The following RAB3GAP1 variants were observed in gnomAD, a reference collection of about 807,000 sequenced individuals.
The protein encoded by RAB3GAP1 is rab3 GTPase-activating protein catalytic subunit.
Under a neutral mutation model 130.7 loss-of-function variants are expected in RAB3GAP1, and 86 were observed. The observed-to-expected ratio is 0.66, with a 90% confidence interval of 0.55 to 0.79. RAB3GAP1 has a LOEUF of 0.79. Among genes scored for constraint, RAB3GAP1 ranks in the 30% least tolerant of loss-of-function variants. The pLI, the probability that RAB3GAP1 is intolerant of heterozygous loss-of-function variation, is 0.00. For synonymous variants in RAB3GAP1, 367 were observed against 401.7 expected, an observed-to-expected ratio of 0.91 and a Z score of 1.03; for missense variants, 1,029 against 1,169.4, an observed-to-expected ratio of 0.88 and a Z score of 1.75.
At chr2:135,128,000 T>G (rs772816040) in intron 11 of RAB3GAP1, among the ~76,000 whole-genome samples, 7 of 152,210 alleles carry the variant, frequency 4.6e-5, no homozygotes, top group Non-Finnish European at 8.8e-5. Flanking sequence ...CCATGCTACC[T>G]TAACTCTCTA....
chr2:135,167,421 G>C (rs1480195202), intron 23 of RAB3GAP1, among the ~76,000 whole-genome samples: 1 of 150,896 alleles, frequency 6.6e-6, no homozygotes, highest in Admixed American at 6.6e-5. Context: ...AAAAGAGCTA[G>C]GTTTTTGTTG....
intron 5 of RAB3GAP1, among the ~76,000 whole-genome samples, chr2:135,110,943 CTTGTT>C (rs1690786384): frequency 6.6e-6 from 1 of 152,008 alleles, no homozygotes; most frequent in Non-Finnish European, 1.5e-5. Flanking sequence ...GGGATGTTCA[CTTGTT>C]TTGTTTTCTT....
rs1287216331 is a variant in RAB3GAP1, at chr2:135,169,162, T to C, written c.*381T>C. ...GTGGTCTGTGCAAACACTTCGTGGT[T>C]CTATATATCAGCAGCAAGTGTGCAA... On this transcript the variant is annotated 3_prime_UTR_variant, in exon 24 of 24. Coordinates refer to ENST00000264158, the MANE Select transcript of RAB3GAP1 (RefSeq NM_012233.3). The C allele has an allele frequency of 3.3e-6, 1 of 303,746 alleles. No individual in the cohort carries two copies. The highest frequency in any genetic ancestry group is 2.1e-5 in the African/African-American group (1 of 46,514). The allele number at this position is 303,746 out of a possible 1,614,324, so 18.8% of individuals were successfully genotyped here. A position where few individuals can be genotyped will look rare whatever the true frequency, so the allele number is the denominator to read the frequency against.
In RAB3GAP1 at chr2:135,132,926, C is replaced by CATT. The variant is rs1691587311; in HGVS notation, c.1270_1272dup (p.Leu424dup). On this transcript the variant is annotated inframe_insertion, in exon 14 of 24. Transcript: ENST00000264158. ...TTCCCTGATGCTGTTTCTGAGAAAC[C>CATT]ATTAGATGGAACTACTTCAACAGAT... 1 of 1,582,970 alleles carries CATT rather than the reference C, an allele frequency of 6.3e-7. No individual in the cohort carries two copies. Among genetic ancestry groups the CATT allele is most frequent in the South Asian group, 1.1e-5 (1 of 90,420 alleles).
At chr2:135,107,659 A>AAT (rs1189844808) in intron 5 of RAB3GAP1, among the ~76,000 whole-genome samples, 1 of 152,174 alleles carries the variant, frequency 6.6e-6, no homozygotes, top group Non-Finnish European at 1.5e-5. Context: ...TTTCTAAGGT[A>AAT]ATATATGTGA....
intron 5 of RAB3GAP1, among the ~76,000 whole-genome samples, chr2:135,101,415 T>C (rs1313281378): frequency 6.6e-6 from 1 of 152,218 alleles, no homozygotes; most frequent in Non-Finnish European, 1.5e-5. Context: ...TGTACTTATT[T>C]ATACCATAAA....
At chr2:135,100,675 T>C (rs1690425105) in intron 5 of RAB3GAP1, among the ~76,000 whole-genome samples, 2 of 152,262 alleles carry the variant, frequency 1.3e-5, no homozygotes, top group East Asian at 1.9e-4. Flanking sequence ...ATTAAATGTA[T>C]GTGTATTTTC....
chr2:135,122,111 A>G (rs185429780), intron 8 of RAB3GAP1, among the ~76,000 whole-genome samples: 30 of 152,280 alleles, frequency 2.0e-4, no homozygotes, highest in African/African-American at 6.7e-4. Context: ...AAGAAAAAAA[A>G]TTAATGTAAT....
intron 7 of RAB3GAP1, among the ~76,000 whole-genome samples, chr2:135,118,012 A>C (rs1290405046): frequency 1.3e-5 from 2 of 152,006 alleles, no homozygotes; most frequent in African/African-American, 2.4e-5. Context: ...ATCACCACAC[A>C]CAGCTAATCT....
At chr2:135,071,112 A>G (rs1689461727) in intron 3 of RAB3GAP1, among the ~76,000 whole-genome samples, 1 of 152,210 alleles carries the variant, frequency 6.6e-6, no homozygotes, top group African/African-American at 2.4e-5. Context: ...ATGCACATAC[A>G]GGACTGGTAG....
At chr2:135,053,074 C>T (rs183333724) in intron 2 of RAB3GAP1, among the ~76,000 whole-genome samples, 11 of 152,324 alleles carry the variant, frequency 7.2e-5, no homozygotes, top group African/African-American at 2.6e-4. Flanking sequence ...TTACTGCGGC[C>T]TCGAACTCCT....
intron 3 of RAB3GAP1, among the ~76,000 whole-genome samples, chr2:135,072,696 T>C (rs750295951): frequency 1.4e-4 from 21 of 152,236 alleles, no homozygotes; most frequent in Non-Finnish European, 2.9e-4. Flanking sequence ...TATTTTACTT[T>C]AGGACAAGAA....
At position 135,138,100 on chromosome 2, in the gene RAB3GAP1, T is replaced by A. The variant is rs535579633; in HGVS notation, c.1923+2168T>A. On this transcript the variant is annotated intron_variant, in intron 17 of 23. Coordinates refer to ENST00000264158, the MANE Select transcript of RAB3GAP1 (RefSeq NM_012233.3). ...CCTCAGCCTCCCAAAGTGCTAGGAT[T>A]ACAGACATGATCCACTGCACCCGGC... 5.9e-5 allele frequency among the ~76,000 whole-genome samples: 9 copies of A among 152,108 alleles called. No individual in the cohort carries two copies. The East Asian group carries it at 1.7e-3, about 29-fold the overall frequency.
chr2:135,082,962 A>G (rs934840550), intron 3 of RAB3GAP1, among the ~76,000 whole-genome samples: 23 of 152,166 alleles, frequency 1.5e-4, no homozygotes, highest in African/African-American at 4.3e-4. Context: ...ATTATCCCAT[A>G]TATTTTAAAT....
At chr2:135,057,013 A>C (rs1180310087) in intron 2 of RAB3GAP1, among the ~76,000 whole-genome samples, 1 of 152,200 alleles carries the variant, frequency 6.6e-6, no homozygotes, top group Non-Finnish European at 1.5e-5. Flanking sequence ...TACTTAGCTT[A>C]TATAAGAAGT....
rs1692451232 is a variant in RAB3GAP1 at position 135,160,972 on chromosome 2, G to GA, written c.2290-1582dup. ...TGCAAGGGATCCAGAACAGAGGAGGGAGACAGGTCATACGTGAATCCAGGT... is the reference window on the plus strand; with the variant it reads ...TGCAAGGGATCCAGAACAGAGGAGGGAAGACAGGTCATACGTGAATCCAGGT... On this transcript the variant is annotated intron_variant, in intron 19 of 23. Transcript: ENST00000264158. 3.9e-5 allele frequency among the ~76,000 whole-genome samples: 6 copies of GA among 152,208 alleles called. No individual in the cohort carries two copies. The South Asian group carries it at 1.2e-3, about 32-fold the overall frequency.
chr2:135,058,256 A>G, intron 3 of RAB3GAP1, 170 bp downstream of exon 3: 2 of 637,544 alleles, frequency 3.1e-6, no homozygotes, highest in Non-Finnish European at 5.6e-6. Context: ...GTGGCAAATG[A>G]TATATGTAAG....
chr2:135,096,887 T>C (rs1690312639), intron 5 of RAB3GAP1, among the ~76,000 whole-genome samples: 1 of 152,198 alleles, frequency 6.6e-6, no homozygotes, highest in Non-Finnish European at 1.5e-5. Flanking sequence ...AGCCTTTTGG[T>C]ATGTATTTCC....
At chr2:135,109,814 C>A (rs1690746242) in intron 5 of RAB3GAP1, among the ~76,000 whole-genome samples, 1 of 152,116 alleles carries the variant, frequency 6.6e-6, no homozygotes. Flanking sequence ...GATCTCCTGA[C>A]CTCATGGTCC....
Sources: gnomAD v4.1 joint callset for allele counts (sites outside exome capture counted in the v4.1 genomes callset) on GRCh38, gnomAD v4.1.1 for gene constraint, MANE v1.5 for transcripts, NCBI Gene and HGNC (gene_info 2026-07-23, HGNC 2026-07-21) for gene names.